Variants in THSD4 observed in about 807,000 individuals in gnomAD.
The protein encoded by THSD4 is thrombospondin type-1 domain-containing protein 4.
THSD4 carries 69 observed loss-of-function variants against 119.0 expected under a neutral mutation model. The ratio of observed to expected loss-of-function variants is 0.58; its 90% CI spans 0.48 to 0.71. The LOEUF (loss-of-function observed/expected upper bound fraction) is 0.71, where lower values mean the gene tolerates loss of function less well. Ranked by LOEUF, THSD4 falls within the 30% of genes least tolerant of loss-of-function variation. THSD4 has a pLI of 0.00. For synonymous variants in THSD4, 524 were observed against 540.4 expected (o/e 0.97, Z 0.42); for missense variants, 1,393 against 1,391.1 (o/e 1.00, Z -0.02).
chr15:71,423,358 T>C (rs951732945), intron 7 of THSD4, among the ~76,000 whole-genome samples: 1 of 152,154 alleles, frequency 6.6e-6, no homozygotes, highest in Non-Finnish European at 1.5e-5. Context: ...ATGTACTACC[T>C]GGTTACTGCT....
chr15:71,193,106 G>T (rs1432816745), intron 3 of THSD4, among the ~76,000 whole-genome samples: 1 of 152,154 alleles, frequency 6.6e-6, no homozygotes, highest in African/African-American at 2.4e-5. Flanking sequence ...ATCCTGGGGG[G>T]ATGCTCTTCA....
At chr15:71,541,633 T>A (rs2048761691) in intron 7 of THSD4, among the ~76,000 whole-genome samples, 1 of 152,222 alleles carries the variant, frequency 6.6e-6, no homozygotes, top group Non-Finnish European at 1.5e-5. Flanking sequence ...CAAACTCAAT[T>A]TTTTGTTGTT....
intron 3 of THSD4, among the ~76,000 whole-genome samples, chr15:71,212,771 A>G (rs952802346): frequency 2.0e-5 from 3 of 152,232 alleles, no homozygotes; most frequent in African/African-American, 7.2e-5. Context: ...AGGACAAGAC[A>G]TAAAGTCTCC....
chr15:71,354,498 C>T (rs2045783346), intron 6 of THSD4, among the ~76,000 whole-genome samples: 1 of 152,094 alleles, frequency 6.6e-6, no homozygotes, highest in South Asian at 2.1e-4. Context: ...CAAATTGTGG[C>T]CAAGAAAGTA....
intron 1 of THSD4, among the ~76,000 whole-genome samples, chr15:71,124,330 C>T (rs550073316): frequency 1.1e-4 from 16 of 152,174 alleles, no homozygotes; most frequent in Admixed American, 1.0e-3. Flanking sequence ...TTTTTATATG[C>T]CATAAAATGT....
chr15:71,539,440 A>T (rs2140834316), intron 7 of THSD4, among the ~76,000 whole-genome samples: 1 of 152,334 alleles, frequency 6.6e-6, no homozygotes, highest in Non-Finnish European at 1.5e-5. Flanking sequence ...TCCTTCATAA[A>T]GAATACACAT....
chr15:71,152,461 G>C (rs1042558746), intron 2 of THSD4, among the ~76,000 whole-genome samples: 2 of 151,948 alleles, frequency 1.3e-5, no homozygotes, highest in African/African-American at 4.8e-5. Context: ...GGAAAGTCTA[G>C]TCAGATGTAA....
intron 6 of THSD4, among the ~76,000 whole-genome samples, chr15:71,391,044 T>C (rs1391934480): frequency 1.5e-5 from 2 of 132,884 alleles, no homozygotes; most frequent in South Asian, 2.5e-4. Context: ...TTTTTTTTTT[T>C]CTGAGACCAT....
chr15:71,700,704 C>A (rs1386664927), intron 8 of THSD4, among the ~76,000 whole-genome samples: 1 of 151,926 alleles, frequency 6.6e-6, no homozygotes, highest in African/African-American at 2.4e-5. Flanking sequence ...GGGGAAGGAA[C>A]AGGGATACCA....
chr15:71,410,366 G>A (rs2046669910), intron 6 of THSD4, among the ~76,000 whole-genome samples: 1 of 152,202 alleles, frequency 6.6e-6, no homozygotes, highest in African/African-American at 2.4e-5. Flanking sequence ...GGGGGCAGAA[G>A]TAGAGGTGGG....
intron 8 of THSD4, among the ~76,000 whole-genome samples, chr15:71,680,156 G>GT (rs1347003180): frequency 2.0e-5 from 3 of 152,172 alleles, no homozygotes; most frequent in African/African-American, 7.2e-5. Flanking sequence ...AAAGAGGGGA[G>GT]TGGTTGCATT....
intron 10 of THSD4, chr15:71,731,929 T>C (rs907549015): frequency 6.6e-6 from 1 of 152,218 alleles, no homozygotes; most frequent in Non-Finnish European, 1.5e-5. Context: ...TTCCTCGCCT[T>C]TTCCAACTTC....
chr15:71,637,166 C>T (rs1474803200), intron 7 of THSD4, among the ~76,000 whole-genome samples: 2 of 152,154 alleles, frequency 1.3e-5, no homozygotes, highest in South Asian at 2.1e-4. Flanking sequence ...GGAATACAGG[C>T]GTGAGCCACA....
At chr15:71,478,781 C>A (rs2047685176) in intron 7 of THSD4, among the ~76,000 whole-genome samples, 1 of 152,178 alleles carries the variant, frequency 6.6e-6, no homozygotes, top group Non-Finnish European at 1.5e-5. Context: ...GAGGGGACCA[C>A]AAAGGACGAG....
chr15:71,537,278 T>C (rs1405880278), intron 7 of THSD4, among the ~76,000 whole-genome samples: 1 of 152,176 alleles, frequency 6.6e-6, no homozygotes, highest in Non-Finnish European at 1.5e-5. Flanking sequence ...CCCTTCGCCA[T>C]ACAACAGAAG....
chr15:71,654,466 A>T (rs886352353), intron 7 of THSD4, among the ~76,000 whole-genome samples: 1 of 152,212 alleles, frequency 6.6e-6, no homozygotes, highest in Non-Finnish European at 1.5e-5. Flanking sequence ...TACTGTGATG[A>T]GCCCTTCATA....
chr15:71,681,438 A>G (rs961456844), intron 8 of THSD4, among the ~76,000 whole-genome samples: 1 of 151,402 alleles, frequency 6.6e-6, no homozygotes, highest in South Asian at 2.1e-4. Context: ...GCACTTTGGG[A>G]GGCCAAGGCA....
At chr15:71,315,869 A>G (rs1393520667) in intron 6 of THSD4, among the ~76,000 whole-genome samples, 2 of 152,050 alleles carry the variant, frequency 1.3e-5, no homozygotes, top group African/African-American at 4.8e-5. Context: ...TCACCAACAC[A>G]AAAAAAATTG....
intron 7 of THSD4, among the ~76,000 whole-genome samples, chr15:71,608,603 G>A (rs531529007): frequency 1.2e-4 from 18 of 152,080 alleles, no homozygotes; most frequent in Non-Finnish European, 1.6e-4. Flanking sequence ...GCCTTGTTTC[G>A]GATTATGCCT....
Sources: gnomAD v4.1 joint callset for allele counts (sites outside exome capture counted in the v4.1 genomes callset) on GRCh38, gnomAD v4.1.1 for gene constraint, MANE v1.5 for transcripts, NCBI Gene and HGNC (gene_info 2026-07-23, HGNC 2026-07-21) for gene names.